The following PTCHD4 variants were observed in gnomAD, a reference collection of about 807,000 sequenced individuals.
PTCHD4 encodes the protein patched domain containing 4.
In PTCHD4, 33 loss-of-function variants were observed where a neutral mutation model predicts 58.1. That is an observed-to-expected ratio of 0.57 (90% confidence interval 0.43 to 0.76). PTCHD4 has a LOEUF of 0.76. Among genes scored for constraint, PTCHD4 ranks in the 30% least tolerant of loss-of-function variants. The probability of loss-of-function intolerance (pLI) is 0.00; values close to 1 mark genes in which losing one functional copy is unlikely to be tolerated. For missense variants in PTCHD4, 1,058 were observed against 1,027.1 expected, an observed-to-expected ratio of 1.03 and a Z score of -0.41; for synonymous variants, 478 against 409.6, an observed-to-expected ratio of 1.17 and a Z score of -2.02.
chr6:48,010,801 T>C (rs1361357068), intron 3 of PTCHD4, among the ~76,000 whole-genome samples: 2 of 152,132 alleles, frequency 1.3e-5, no homozygotes, highest in African/African-American at 4.8e-5. Flanking sequence ...CCTGTGTCCA[T>C]GTGTTCTTGT....
At chr6:47,923,500 T>G (rs897987805) in intron 4 of PTCHD4, among the ~76,000 whole-genome samples, 2 of 152,182 alleles carry the variant, frequency 1.3e-5, no homozygotes, top group African/African-American at 4.8e-5. Context: ...TGCTTAGACC[T>G]CTGTGTCATT....
intron 1 of PTCHD4, among the ~76,000 whole-genome samples, chr6:48,102,700 C>T (rs1316522447): frequency 1.3e-5 from 2 of 152,208 alleles, no homozygotes; most frequent in South Asian, 4.1e-4. Context: ...ATTCTCTTTC[C>T]TAGTCAAAGA....
chr6:48,008,763 T>G lies in PTCHD4; in HGVS notation c.769A>C (p.Ser257Arg). The part of the protein sequence containing the change: ...LSSSMKDCLR[S>R]KPFLGLLGVL... Reference sequence around the variant, plus strand: ...CCCAGGAGGCCCAGGAAGGGCTTACTGCGCAAGCAGTCCTTCATGGAGCTG... The same window carrying G: ...CCCAGGAGGCCCAGGAAGGGCTTACGGCGCAAGCAGTCCTTCATGGAGCTG... The change falls in exon 4 of 5, where the codon AGT (serine) becomes CGT (arginine). Residue 257 changes from serine to arginine, a missense_variant. Ser to Arg is a moderately radical substitution (Grantham distance 110). Coordinates refer to ENST00000339488, the MANE Select transcript of PTCHD4 (RefSeq NM_001384253.1). The G allele has an allele frequency of 1.2e-6, 2 of 1,613,972 alleles. No homozygotes were observed. The highest frequency in any genetic ancestry group is 1.7e-6 in the Non-Finnish European group (2 of 1,179,878).
chr6:48,098,212 G>T (rs1490611144), intron 1 of PTCHD4, among the ~76,000 whole-genome samples: 5 of 152,158 alleles, frequency 3.3e-5, no homozygotes, highest in Non-Finnish European at 7.3e-5. Context: ...GAGAACTGAA[G>T]TTCCGATGCA....
chr6:48,090,393 G>A, intron 1 of PTCHD4, among the ~76,000 whole-genome samples: 1 of 152,160 alleles, frequency 6.6e-6, no homozygotes, highest in East Asian at 1.9e-4. Flanking sequence ...GCTATCTGCC[G>A]AACATTTTAC....
chr6:48,068,583 T>C lies in PTCHD4; in HGVS notation c.64A>G (p.Arg22Gly). Residue 22 changes from arginine (R) to glycine (G), a missense_variant, in exon 3 of 5, where the codon AGA becomes GGA. Arg to Gly is a moderately radical substitution (Grantham distance 125). Coordinates refer to ENST00000339488, the MANE Select transcript of PTCHD4 (RefSeq NM_001384253.1). The surrounding 1 kb of genome is among the most constrained non-coding windows in gnomAD (Gnocchi z 4.2). ...WWRMLRQVLR[R>G]GLQSFCHRLG... ...CTGTGGCAGAACGACTGGAGCCCTCTGCGAAGCACCTGCCGCAGCATCCTC... is the reference window on the plus strand; with the variant it reads ...CTGTGGCAGAACGACTGGAGCCCTCCGCGAAGCACCTGCCGCAGCATCCTC... 1.3e-6 allele frequency: 2 copies of C among 1,565,194 alleles called. No homozygotes were observed.
chr6:47,909,861 T>C (rs1433444742), intron 4 of PTCHD4, among the ~76,000 whole-genome samples: 1 of 152,132 alleles, frequency 6.6e-6, no homozygotes, highest in African/African-American at 2.4e-5. Context: ...TATAATATTA[T>C]ACATCATAGC....
chr6:48,045,692 C>T, intron 3 of PTCHD4, among the ~76,000 whole-genome samples: 1 of 151,610 alleles, frequency 6.6e-6, no homozygotes, highest in Non-Finnish European at 1.5e-5. Context: ...TTGGAGATAA[C>T]ATCATTTATT....
chr6:47,923,180 A>G (rs1365249083), intron 4 of PTCHD4, among the ~76,000 whole-genome samples: 2 of 152,208 alleles, frequency 1.3e-5, no homozygotes, highest in Admixed American at 6.5e-5. Flanking sequence ...TAAAAATAAC[A>G]TTTAAAAATA....
At chr6:48,033,608 T>A (rs1763526884) in intron 3 of PTCHD4, among the ~76,000 whole-genome samples, 1 of 151,940 alleles carries the variant, frequency 6.6e-6, no homozygotes, top group Non-Finnish European at 1.5e-5. Flanking sequence ...AGAAATATTA[T>A]ACTTACTGAA....
At chr6:48,081,187 T>A (rs1161434119) in intron 1 of PTCHD4, among the ~76,000 whole-genome samples, 1 of 152,034 alleles carries the variant, frequency 6.6e-6, no homozygotes, top group Non-Finnish European at 1.5e-5. Context: ...AATGAAAAAA[T>A]TTGAGAGCTA....
At chr6:48,097,296 C>A (rs1229456112) in intron 1 of PTCHD4, among the ~76,000 whole-genome samples, 1 of 152,054 alleles carries the variant, frequency 6.6e-6, no homozygotes, top group Non-Finnish European at 1.5e-5. Flanking sequence ...TGTGGAAATT[C>A]ATCTTGTATA....
At chr6:47,971,557 G>A (rs1052592397) in intron 4 of PTCHD4, among the ~76,000 whole-genome samples, 3 of 152,192 alleles carry the variant, frequency 2.0e-5, no homozygotes, top group African/African-American at 4.8e-5. Context: ...TGGAACCTGG[G>A]AGATAATGGG....
rs1764875658 is a variant in PTCHD4 at position 48,068,406 on chromosome 6, C to T, written c.241G>A (p.Glu81Lys). ...VAPSHSLAKI[E>K]RSLASSLFPL... The stretch of plus-strand genomic sequence containing the variant: ...AAAAGGCTGCTGGCCAGGCTGCGCT[C>T]GATCTTGGCCAGGCTGTGGCTGGGA... The change falls in exon 3 of 5, where the codon GAG becomes AAG. Residue 81 changes from glutamate (E) to lysine (K), a missense_variant. Transcript: ENST00000339488. The surrounding 1 kb of genome is among the most constrained non-coding windows in gnomAD (Gnocchi z 4.2). 1 of 1,613,812 alleles carries T rather than the reference C, an allele frequency of 6.2e-7. No individual in the cohort carries two copies. The highest frequency in any genetic ancestry group is 1.3e-5 in the African/African-American group (1 of 74,900).
chr6:48,084,016 T>G (rs1197568397), intron 1 of PTCHD4, among the ~76,000 whole-genome samples: 2 of 151,888 alleles, frequency 1.3e-5, no homozygotes, highest in African/African-American at 4.8e-5. Flanking sequence ...ACTAAGTCTG[T>G]GGTAATTTGC....
chr6:48,076,381 T>C (rs1227864126), intron 1 of PTCHD4, among the ~76,000 whole-genome samples: 3 of 152,326 alleles, frequency 2.0e-5, no homozygotes, highest in African/African-American at 4.8e-5. Context: ...TGCCCTTCTG[T>C]CATAAATCAT....
At chr6:47,883,899 T>TCATA (rs1303433283) in intron 4 of PTCHD4, among the ~76,000 whole-genome samples, 18 of 152,182 alleles carry the variant, frequency 1.2e-4, no homozygotes, top group African/African-American at 4.3e-4. Flanking sequence ...ATATACTCAC[T>TCATA]CATACACACA....
In PTCHD4 at chr6:47,872,018, A is replaced by AC. The variant is rs1763725798; in HGVS notation, c.*6284dup. Among the ~76,000 whole-genome samples, 1 of 151,130 alleles carries AC rather than the reference A, an allele frequency of 6.6e-6. No homozygotes were observed. The highest frequency in any genetic ancestry group is 2.1e-4 in the South Asian group (1 of 4,822). The stretch of plus-strand genomic sequence containing the variant: ...CTGTACCAGGAGATGCAAGAATATG[A>AC]CGGCTTATTCTTTTTTTTTTTTCCC... On this transcript the variant is annotated 3_prime_UTR_variant, in exon 5 of 5. Transcript: ENST00000339488.
intron 1 of PTCHD4, among the ~76,000 whole-genome samples, chr6:48,086,088 T>C (rs566791373): frequency 9.2e-5 from 14 of 152,250 alleles, no homozygotes; most frequent in African/African-American, 1.9e-4. Flanking sequence ...TATAATTGTG[T>C]CACTATGATT....
Sources: allele counts gnomAD v4.1 joint callset (sites outside exome capture counted in the v4.1 genomes callset), GRCh38; gene constraint gnomAD v4.1.1; non-coding constraint Gnocchi (gnomAD v3.1); transcripts MANE v1.5; gene names NCBI Gene and HGNC (gene_info 2026-07-23, HGNC 2026-07-21).